Variants in GCNT2 observed in about 807,000 individuals in gnomAD.
GCNT2 encodes N-acetyllactosaminide beta-1,6-N-acetylglucosaminyl-transferase.
A neutral mutation model predicts 34.2 loss-of-function variants in GCNT2; 34 were observed. The ratio of observed to expected loss-of-function variants is 1.00; its 90% CI spans 0.76 to 1.32. The LOEUF (loss-of-function observed/expected upper bound fraction) is 1.32. GCNT2 is among the 40% of genes most tolerant of loss of function. The pLI is 0.00. For missense variants in GCNT2, 584 were observed against 489.4 expected (o/e 1.19, Z -1.82); for synonymous variants, 212 against 188.0 (o/e 1.13, Z -1.04).
intron 1 of GCNT2, among the ~76,000 whole-genome samples, chr6:10,523,132 G>C (rs1161862207): frequency 6.6e-6 from 1 of 152,176 alleles, no homozygotes; most frequent in Non-Finnish European, 1.5e-5. Flanking sequence ...GAAAAGACCA[G>C]CTTTCAGCCA....
At chr6:10,604,518 T>C (rs1765225225) in intron 3 of GCNT2, among the ~76,000 whole-genome samples, 1 of 152,174 alleles carries the variant, frequency 6.6e-6, no homozygotes, top group African/African-American at 2.4e-5. Flanking sequence ...ACTCTCTCCT[T>C]ACTGAGACAT....
chr6:10,589,521 A>T (rs1229531209), intron 3 of GCNT2, among the ~76,000 whole-genome samples: 1 of 152,188 alleles, frequency 6.6e-6, no homozygotes, highest in East Asian at 1.9e-4. Flanking sequence ...AGGATCCACC[A>T]TCCCTCAAAG....
intron 3 of GCNT2, among the ~76,000 whole-genome samples, chr6:10,582,294 A>G (rs28375163): frequency 8.5e-6 from 1 of 118,280 alleles, no homozygotes; most frequent in Non-Finnish European, 1.6e-5. Flanking sequence ...ATATAATATT[A>G]CTATATATTT....
intron 3 of GCNT2, among the ~76,000 whole-genome samples, chr6:10,599,677 G>A (rs998577543): frequency 6.6e-6 from 1 of 152,110 alleles, no homozygotes; most frequent in Non-Finnish European, 1.5e-5. Context: ...TGTAGCTTAC[G>A]ATCTTGGACA....
At chr6:10,622,029 G>A (rs1581495736) in intron 4 of GCNT2, among the ~76,000 whole-genome samples, 2 of 152,284 alleles carry the variant, frequency 1.3e-5, no homozygotes, top group Admixed American at 6.5e-5. Context: ...GCCAGTCCCT[G>A]CTCCCCCTAC....
At chr6:10,598,393 A>G (rs1356713567) in intron 3 of GCNT2, among the ~76,000 whole-genome samples, 2 of 152,152 alleles carry the variant, frequency 1.3e-5, no homozygotes, top group African/African-American at 4.8e-5. Context: ...TCCACGGTAT[A>G]TTAATGTCAT....
intron 3 of GCNT2, among the ~76,000 whole-genome samples, chr6:10,578,391 T>TA (rs55708119): frequency 0.029 from 2,519 of 87,016 alleles, 75 homozygotes; most frequent in African/African-American, 0.088. Context: ...TGTCTAAAAG[T>TA]AAAAAAAAAA....
intron 3 of GCNT2, among the ~76,000 whole-genome samples, chr6:10,601,956 A>G (rs944202264): frequency 6.7e-6 from 1 of 148,786 alleles, no homozygotes; most frequent in African/African-American, 2.6e-5. Context: ...AAAAAAAAAA[A>G]AAAACAAAAA....
At chr6:10,593,273 A>G (rs1320018478) in intron 3 of GCNT2, among the ~76,000 whole-genome samples, 3 of 152,140 alleles carry the variant, frequency 2.0e-5, no homozygotes, top group Non-Finnish European at 4.4e-5. Flanking sequence ...TCTCCAACTC[A>G]TTCATCCTCC....
Position 10,528,946 on chromosome 6 carries a change from C to T in GCNT2, c.35C>T (p.Ala12Val), listed in dbSNP as rs150732107. The T allele has an allele frequency of 1.3e-4, 204 of 1,613,748 alleles. No individual in the cohort carries two copies. The highest frequency in any genetic ancestry group is 1.7e-4 in the Non-Finnish European group (196 of 1,179,776). ...MGSWKHCLFS[A>V]SLISALIFVF... ...TCTTGGAAGCACTGTCTTTTTAGCG[C>T]GTCTCTTATCTCTGCCCTGATTTTT... Residue 12 changes from alanine (A) to valine (V), a missense_variant, in exon 3 of 5, where the codon GCG becomes GTG. Ala to Val is a moderately conservative substitution (Grantham distance 64). Coordinates refer to ENST00000495262, the MANE Select transcript of GCNT2 (RefSeq NM_145649.5).
intron 3 of GCNT2, among the ~76,000 whole-genome samples, chr6:10,589,128 G>A (rs1467746593): frequency 4.9e-5 from 7 of 142,288 alleles, no homozygotes; most frequent in Admixed American, 4.9e-4. Context: ...GTGTGTATGT[G>A]TGGTGTGGTT....
At chr6:10,613,970 G>T (rs1765663512) in intron 3 of GCNT2, among the ~76,000 whole-genome samples, 1 of 152,152 alleles carries the variant, frequency 6.6e-6, no homozygotes, top group African/African-American at 2.4e-5. Flanking sequence ...CAGGAAACAG[G>T]CTTAATAGAG....
At chr6:10,546,192 T>C (rs1561790629) in intron 3 of GCNT2, among the ~76,000 whole-genome samples, 1 of 152,174 alleles carries the variant, frequency 6.6e-6, no homozygotes, top group African/African-American at 2.4e-5. Flanking sequence ...CCAGGACAGT[T>C]GAAGCCGTTT....
intron 3 of GCNT2, among the ~76,000 whole-genome samples, chr6:10,558,360 T>C (rs1421650009): frequency 1.3e-5 from 2 of 152,156 alleles, no homozygotes; most frequent in Non-Finnish European, 2.9e-5. Flanking sequence ...CCCTAAGACA[T>C]TGTTGAGCTG....
At chr6:10,588,288 A>G (rs114551110) in intron 3 of GCNT2, among the ~76,000 whole-genome samples, 207 of 152,300 alleles carry the variant, frequency 1.4e-3, no homozygotes, top group African/African-American at 4.9e-3. Flanking sequence ...TTTCTTTACA[A>G]TCACCTATTT....
chr6:10,560,114 A>G (rs1044739653), intron 3 of GCNT2, among the ~76,000 whole-genome samples: 2 of 152,048 alleles, frequency 1.3e-5, no homozygotes, highest in African/African-American at 4.8e-5. Flanking sequence ...TTTGAGACAG[A>G]GTCTCACTCT....
chr6:10,523,982 A>AC (rs1438713331), intron 1 of GCNT2, among the ~76,000 whole-genome samples: 6 of 150,918 alleles, frequency 4.0e-5, no homozygotes, highest in East Asian at 2.0e-4. Context: ...CAAAAAAAAA[A>AC]AAAAAAAAAA....
chr6:10,573,067 A>AGAAG (rs1453891618), intron 3 of GCNT2: 2 of 375,316 alleles, frequency 5.3e-6, no homozygotes, highest in Admixed American at 1.3e-4. Context: ...TATTAAAATT[A>AGAAG]GAAGTTGCAA....
At chr6:10,547,251 C>A (rs773051464) in intron 3 of GCNT2, among the ~76,000 whole-genome samples, 82 of 152,150 alleles carry the variant, frequency 5.4e-4, no homozygotes, top group Non-Finnish European at 1.1e-3. Flanking sequence ...GACACCCACC[C>A]CCATGTAACC....
Sources: gnomAD v4.1 joint callset for allele counts (sites outside exome capture counted in the v4.1 genomes callset) on GRCh38, gnomAD v4.1.1 for gene constraint, MANE v1.5 for transcripts, NCBI Gene and HGNC (gene_info 2026-07-23, HGNC 2026-07-21) for gene names.